Variants in STK33 observed in about 807,000 individuals in gnomAD.
The protein encoded by STK33 is serine/threonine kinase 33.
Under a neutral mutation model 58.0 loss-of-function variants are expected in STK33, and 52 were observed. The ratio of observed to expected loss-of-function variants is 0.90; its 90% CI spans 0.72 to 1.13. STK33 has a LOEUF of 1.13. Among genes scored for constraint, STK33 ranks in the 50% most tolerant of loss-of-function variants. STK33 has a pLI of 0.00. For missense variants in STK33, 630 were observed against 604.2 expected (o/e 1.04, Z -0.45); for synonymous variants, 215 against 200.1 (o/e 1.07, Z -0.63).
At chr11:8,493,652 A>C (rs1008116364) in intron 1 of STK33, among the ~76,000 whole-genome samples, 1 of 152,192 alleles carries the variant, frequency 6.6e-6, no homozygotes, top group Non-Finnish European at 1.5e-5. Flanking sequence ...AAAAAAAGAG[A>C]ATTTTAGAAC....
the STK33 span, among the ~76,000 whole-genome samples, chr11:8,343,625 C>T: frequency 6.6e-5 from 10 of 152,310 alleles, no homozygotes; most frequent in South Asian, 4.2e-4. Flanking sequence ...GATGCATTCG[C>T]GCCTCACTCC....
chr11:8,450,421 G>C (rs943759364), intron 11 of STK33, among the ~76,000 whole-genome samples: 15 of 152,106 alleles, frequency 9.9e-5, no homozygotes, highest in Admixed American at 6.5e-5. Flanking sequence ...TTGGGAGCTA[G>C]GGGAGGGATA....
intron 1 of STK33, among the ~76,000 whole-genome samples, chr11:8,537,312 A>C (rs1185085308): frequency 1.3e-5 from 2 of 150,918 alleles, no homozygotes; most frequent in Non-Finnish European, 3.0e-5. Flanking sequence ...CTGGTCTGAA[A>C]CCCCTGGCCT....
At chr11:8,576,043 C>T (rs112416271) in intron 1 of STK33, among the ~76,000 whole-genome samples, 21 of 152,024 alleles carry the variant, frequency 1.4e-4, no homozygotes, top group African/African-American at 2.9e-4. Context: ...AATCAACAAC[C>T]GACATTTGTA....
At chr11:8,477,480 G>T (rs938533609) in intron 2 of STK33, among the ~76,000 whole-genome samples, 197 bp from the exon 3 acceptor site, 13 of 152,008 alleles carry the variant, frequency 8.6e-5, no homozygotes, top group African/African-American at 3.1e-4. Flanking sequence ...TGATTTTATG[G>T]TACTTTTTAT....
intron 10 of STK33, among the ~76,000 whole-genome samples, chr11:8,453,560 C>T (rs191552067): frequency 2.4e-3 from 365 of 152,306 alleles, no homozygotes; most frequent in Non-Finnish European, 4.2e-3. Context: ...GGCCTAGTGC[C>T]GCAACTGTAG....
chr11:8,521,056 T>C (rs1312226969), intron 1 of STK33, among the ~76,000 whole-genome samples: 1 of 150,394 alleles, frequency 6.6e-6, no homozygotes, highest in Non-Finnish European at 1.5e-5. Flanking sequence ...AAATTATTTA[T>C]AATTTATAAT....
At chr11:8,586,796 C>G (rs2031718006) in intron 1 of STK33, among the ~76,000 whole-genome samples, 1 of 140,094 alleles carries the variant, frequency 7.1e-6, no homozygotes, top group African/African-American at 2.7e-5. Context: ...TGCACTCCAG[C>G]CTGGGTGACA....
At chr11:8,462,845 C>T (rs570754141) in intron 7 of STK33, among the ~76,000 whole-genome samples, 26 of 152,234 alleles carry the variant, frequency 1.7e-4, no homozygotes, top group African/African-American at 5.3e-4. Flanking sequence ...ATCATCACCC[C>T]TATTGATCTT....
intron 1 of STK33, among the ~76,000 whole-genome samples, chr11:8,483,612 G>A (rs552064769): frequency 6.6e-6 from 1 of 152,150 alleles, no homozygotes; most frequent in Non-Finnish European, 1.5e-5. Flanking sequence ...GCAAGCAATT[G>A]AAACTCTGCA....
At chr11:8,511,489 C>T (rs754146956) in intron 1 of STK33, among the ~76,000 whole-genome samples, 10 of 152,076 alleles carry the variant, frequency 6.6e-5, no homozygotes, top group Non-Finnish European at 1.3e-4. Flanking sequence ...TGTCTGATTG[C>T]TGTGGCTAGG....
intron 1 of STK33, among the ~76,000 whole-genome samples, chr11:8,552,355 T>C (rs987293929): frequency 6.6e-6 from 1 of 152,208 alleles, no homozygotes; most frequent in Non-Finnish European, 1.5e-5. Context: ...GTTGTATTTT[T>C]GTAGGGAGAG....
chr11:8,530,754 A>G (rs1027816661), intron 1 of STK33, among the ~76,000 whole-genome samples: 1 of 152,172 alleles, frequency 6.6e-6, no homozygotes, highest in Non-Finnish European at 1.5e-5. Context: ...CAGTGGTGCA[A>G]TCTCGGCTCA....
intron 1 of STK33, among the ~76,000 whole-genome samples, chr11:8,490,686 T>C (rs913381437): frequency 4.6e-5 from 7 of 152,106 alleles, no homozygotes; most frequent in African/African-American, 1.2e-4. Context: ...TGACACCTCA[T>C]ACAGGCAGGT....
rs535298029 is a variant in STK33, at chr11:8,446,740, G to A, written c.872-5987C>T. Among the ~76,000 whole-genome samples the A allele has an allele frequency of 1.3e-4, 20 of 152,246 alleles. No homozygotes were observed. The South Asian group carries it at 2.7e-3, about 20-fold the overall frequency. On this transcript the variant is annotated intron_variant, in intron 11 of 15. Transcript: ENST00000687296. ...GGAAAGGATTCCCTATTTAATAAAC[G>A]ATGTTGGGAAAACTGGCTAGCCATA...
chr11:8,441,167 G>A (rs1944691960), intron 11 of STK33, among the ~76,000 whole-genome samples: 3 of 152,164 alleles, frequency 2.0e-5, no homozygotes, highest in Admixed American at 1.3e-4. Flanking sequence ...GAAAAACTAA[G>A]GTACGTGGTT....
chr11:8,402,473 G>C (rs1938238916), intron 15 of STK33, among the ~76,000 whole-genome samples: 1 of 152,100 alleles, frequency 6.6e-6, no homozygotes, highest in South Asian at 2.1e-4. Context: ...TGTGGGGTGG[G>C]GGCAGCGAGG....
chr11:8,354,943 G>A, the STK33 span, among the ~76,000 whole-genome samples: 2 of 152,386 alleles, frequency 1.3e-5, no homozygotes, highest in South Asian at 2.1e-4. Context: ...CCAGCCAGGC[G>A]CAGCCTGAAT....
chr11:8,393,517 G>C (rs771245843), intron 15 of STK33, among the ~76,000 whole-genome samples: 6 of 152,268 alleles, frequency 3.9e-5, no homozygotes, highest in Non-Finnish European at 7.4e-5. Context: ...CTGGAGCATA[G>C]AGTTCTAAAA....
Sources: allele counts gnomAD v4.1 joint callset (sites outside exome capture counted in the v4.1 genomes callset), GRCh38; gene constraint gnomAD v4.1.1; transcripts MANE v1.5; gene names NCBI Gene and HGNC (gene_info 2026-07-23, HGNC 2026-07-21).